The following NAV2 variants were observed in gnomAD, a reference collection of about 807,000 sequenced individuals.
NAV2 encodes the protein neuron navigator 2.
A neutral mutation model predicts 223.2 loss-of-function variants in NAV2; 54 were observed. The ratio of observed to expected loss-of-function variants is 0.24; its 90% CI spans 0.19 to 0.30. The LOEUF (loss-of-function observed/expected upper bound fraction) is 0.30, where lower values mean the gene tolerates loss of function less well. NAV2 is among the 10% of genes least tolerant of loss of function. The pLI is 1.00. For missense variants in NAV2, 2,806 were observed against 3,147.5 expected (o/e 0.89, Z 2.60); for synonymous variants, 1,279 against 1,239.3 (o/e 1.03, Z -0.67).
intron 1 of NAV2, among the ~76,000 whole-genome samples, chr11:19,480,604 G>A (rs2042248652): frequency 1.3e-5 from 2 of 152,172 alleles, no homozygotes; most frequent in South Asian, 4.1e-4. Flanking sequence ...AATCCAAGAA[G>A]AGAAGGGAAA....
At chr11:19,800,053 C>G (rs1311750976) in intron 1 of NAV2, among the ~76,000 whole-genome samples, 3 of 152,196 alleles carry the variant, frequency 2.0e-5, no homozygotes, top group African/African-American at 7.2e-5. Context: ...AGCCCCTCAT[C>G]TTCTATTAAA....
chr11:19,653,899 C>T (rs2048042956), intron 1 of NAV2, among the ~76,000 whole-genome samples: 1 of 152,136 alleles, frequency 6.6e-6, no homozygotes, highest in African/African-American at 2.4e-5. Flanking sequence ...TCCCACACTC[C>T]CCTGGATGAT....
chr11:19,667,092 T>TC (rs2048434014), intron 1 of NAV2, among the ~76,000 whole-genome samples: 1 of 151,608 alleles, frequency 6.6e-6, no homozygotes, highest in African/African-American at 2.4e-5. Flanking sequence ...ATTGTCAGTC[T>TC]CCCCCAGGAA....
chr11:19,818,766 G>A (rs1280537474), intron 1 of NAV2, among the ~76,000 whole-genome samples: 3 of 152,174 alleles, frequency 2.0e-5, no homozygotes, highest in African/African-American at 4.8e-5. Context: ...TTGTCTCATG[G>A]CAGTGTTACT....
chr11:20,001,139 G>A (rs950837042), intron 11 of NAV2, among the ~76,000 whole-genome samples: 2 of 151,994 alleles, frequency 1.3e-5, no homozygotes, highest in Non-Finnish European at 2.9e-5. Flanking sequence ...AGCACGCTCC[G>A]GGGTATTGTA....
At chr11:19,791,581 T>C (rs528873700) in intron 1 of NAV2, among the ~76,000 whole-genome samples, 1 of 152,166 alleles carries the variant, frequency 6.6e-6, no homozygotes, top group South Asian at 2.1e-4. Context: ...TGCTGCAGAG[T>C]TCTTCCCTCC....
chr11:19,432,197 CAAA>C lies in NAV2; in HGVS notation c.75+81185_75+81187del, dbSNP rs35019617. 7.3e-3 allele frequency among the ~76,000 whole-genome samples: 941 copies of C among 129,360 alleles called. 9 individuals are homozygous for C. The highest frequency in any genetic ancestry group is 0.023 in the African/African-American group (779 of 34,182). The allele number at this position is 129,360 out of a possible 152,430, so 84.9% of individuals were successfully genotyped here. On this transcript the variant is annotated intron_variant, in intron 1 of 37. Coordinates refer to the NAV2 transcript ENST00000360655. The stretch of plus-strand genomic sequence containing the variant: ...TGGGCAACAAGAGCAAAACTCCGAC[CAAA>C]AAAAAAAAAAAAAAGCATTGATAAG...
intron 1 of NAV2, among the ~76,000 whole-genome samples, chr11:19,518,149 T>C (rs1467056661): frequency 1.3e-5 from 2 of 152,362 alleles, no homozygotes; most frequent in East Asian, 1.9e-4. Context: ...TCAACTTTCC[T>C]GGATAACAGA....
chr11:19,753,826 G>A (rs1036773058), intron 1 of NAV2, among the ~76,000 whole-genome samples: 5 of 152,204 alleles, frequency 3.3e-5, no homozygotes, highest in African/African-American at 1.2e-4. Flanking sequence ...AGCCCTTGGC[G>A]GGTGGGGCAA....
intron 1 of NAV2, among the ~76,000 whole-genome samples, chr11:19,607,089 G>T (rs186457474): frequency 6.6e-6 from 1 of 152,210 alleles, no homozygotes; most frequent in Non-Finnish European, 1.5e-5. Flanking sequence ...TGCAGAGCAG[G>T]CCGGTAACCA....
At chr11:19,381,493 G>A (rs991907191) in intron 1 of NAV2, among the ~76,000 whole-genome samples, 5 of 152,186 alleles carry the variant, frequency 3.3e-5, no homozygotes, top group African/African-American at 1.2e-4. Flanking sequence ...GCAAGCATGC[G>A]GAGTAGTTTA....
intron 8 of NAV2, among the ~76,000 whole-genome samples, chr11:19,943,245 AC>A: frequency 6.6e-6 from 1 of 152,206 alleles, no homozygotes; most frequent in Non-Finnish European, 1.5e-5. Context: ...AAAAGATTTC[AC>A]TGATGGCCCA....
intron 5 of NAV2, among the ~76,000 whole-genome samples, chr11:19,888,827 G>GT (rs1356934173): frequency 6.6e-6 from 1 of 151,988 alleles, no homozygotes; most frequent in East Asian, 1.9e-4. Context: ...CCCATTCAGC[G>GT]TGCCAGACTT....
At chr11:19,507,357 G>T (rs1403568110) in intron 1 of NAV2, 2 of 152,176 alleles carry the variant, frequency 1.3e-5, no homozygotes, top group East Asian at 3.8e-4. Context: ...AGTCCTCCTG[G>T]GACAAGGAAT....
chr11:19,873,442 G>A (rs1423027677), intron 4 of NAV2, among the ~76,000 whole-genome samples: 1 of 152,144 alleles, frequency 6.6e-6, no homozygotes, highest in Non-Finnish European at 1.5e-5. Flanking sequence ...AGAAGATCAG[G>A]CATAGGTAAT....
intron 26 of NAV2, among the ~76,000 whole-genome samples, chr11:20,088,239 G>A (rs1265518650): frequency 6.6e-6 from 1 of 152,120 alleles, no homozygotes; most frequent in East Asian, 1.9e-4. Context: ...GTGCAGTGGC[G>A]CGATCTTGGC....
At chr11:19,437,309 T>C (rs1851248682) in intron 1 of NAV2, among the ~76,000 whole-genome samples, 1 of 152,300 alleles carries the variant, frequency 6.6e-6, no homozygotes, top group African/African-American at 2.4e-5. Flanking sequence ...TCTTCCCAAA[T>C]GTACATGGTA....
chr11:19,412,265 T>A (rs1231422006), intron 1 of NAV2, among the ~76,000 whole-genome samples: 1 of 152,196 alleles, frequency 6.6e-6, no homozygotes, highest in Non-Finnish European at 1.5e-5. Context: ...TACTGAGGTT[T>A]GAGTAGGCGG....
intron 29 of NAV2, among the ~76,000 whole-genome samples, chr11:20,093,743 G>A (rs1241690045): frequency 6.6e-6 from 1 of 152,142 alleles, no homozygotes; most frequent in African/African-American, 2.4e-5. Context: ...AGTTTTCCTA[G>A]TACGGTTTCT....
Sources: gnomAD v4.1 joint callset for allele counts (sites outside exome capture counted in the v4.1 genomes callset) on GRCh38, gnomAD v4.1.1 for gene constraint, MANE v1.5 for transcripts, NCBI Gene and HGNC (gene_info 2026-07-23, HGNC 2026-07-21) for gene names.